RBFOX1: variants seen among roughly 807,000 people sequenced by gnomAD.
RBFOX1 encodes RNA binding protein fox-1 homolog 1.
RBFOX1 carries 8 observed loss-of-function variants against 57.7 expected under a neutral mutation model. The observed-to-expected ratio is 0.14, with a 90% CI of 0.08 to 0.25. RBFOX1 has a LOEUF of 0.25. Among genes scored for constraint, RBFOX1 ranks in the 10% least tolerant of loss-of-function variants. The pLI is 1.00. For synonymous variants in RBFOX1, 326 were observed against 222.4 expected, an observed-to-expected ratio of 1.47 and a Z score of -4.15; for missense variants, 611 against 548.5, an observed-to-expected ratio of 1.11 and a Z score of -1.14.
chr16:5,475,780 T>TGG (rs2069300224), intron 2 of RBFOX1, among the ~76,000 whole-genome samples: 1 of 152,232 alleles, frequency 6.6e-6, no homozygotes, highest in African/African-American at 2.4e-5. Flanking sequence ...CAAGAGTGCC[T>TGG]GGACCTGGCT....
chr16:7,368,595 G>A lies in RBFOX1; in HGVS notation c.28-149552G>A, dbSNP rs531574393. 1.9e-3 allele frequency among the ~76,000 whole-genome samples: 294 copies of A among 151,896 alleles called. 2 individuals are homozygous for A. Among genetic ancestry groups the A allele is most frequent in the Non-Finnish European group, 3.3e-3 (221 of 67,962 alleles). On this transcript the variant is annotated intron_variant, in intron 4 of 15. Coordinates refer to ENST00000550418, the MANE Select transcript of RBFOX1 (RefSeq NM_018723.4). The stretch of plus-strand genomic sequence containing the variant: ...AGATCAAGACCATCCTGGCTAACAC[G>A]GTGAAACCCCCTGTCTACTAAAAAT...
chr16:6,583,900 C>T (rs2097570288), intron 2 of RBFOX1, among the ~76,000 whole-genome samples: 1 of 151,938 alleles, frequency 6.6e-6, no homozygotes, highest in African/African-American at 2.4e-5. Flanking sequence ...ATCAGTTTGG[C>T]TGCACTTGTT....
intron 4 of RBFOX1, among the ~76,000 whole-genome samples, chr16:7,118,349 T>A (rs911449959): frequency 7.7e-6 from 1 of 129,878 alleles, no homozygotes; most frequent in Non-Finnish European, 1.7e-5. Context: ...GTGATAAGCA[T>A]TTTTTTCATG....
chr16:7,679,128 A>T (rs2074112331), intron 14 of RBFOX1, among the ~76,000 whole-genome samples: 1 of 152,210 alleles, frequency 6.6e-6, no homozygotes, highest in Admixed American at 6.6e-5. Context: ...AGCAATCTTT[A>T]AAGTTGTATT....
chr16:5,791,364 G>T (rs2151731555), intron 3 of RBFOX1, among the ~76,000 whole-genome samples: 1 of 152,286 alleles, frequency 6.6e-6, no homozygotes, highest in South Asian at 2.1e-4. Flanking sequence ...GTTGAGTGAT[G>T]ACTCACCAGG....
chr16:6,684,476 CTT>C (rs1207965252), intron 3 of RBFOX1, among the ~76,000 whole-genome samples: 2 of 152,214 alleles, frequency 1.3e-5, no homozygotes, highest in East Asian at 3.8e-4. Context: ...ACCTCCTGAA[CTT>C]AAGTCTTGCA....
chr16:6,320,753 G>A (rs1011390533), intron 2 of RBFOX1, among the ~76,000 whole-genome samples: 5 of 148,858 alleles, frequency 3.4e-5, no homozygotes, highest in Non-Finnish European at 6.0e-5. Context: ...AAAACTAAGT[G>A]TTCTTTCAAA....
intron 3 of RBFOX1, among the ~76,000 whole-genome samples, chr16:5,742,135 C>T (rs916497373): frequency 2.0e-5 from 3 of 152,228 alleles, no homozygotes; most frequent in East Asian, 1.9e-4. Context: ...ATGGAACTTA[C>T]ATTTTTCCAT....
At chr16:6,805,953 G>A (rs539412293) in intron 3 of RBFOX1, among the ~76,000 whole-genome samples, 3 of 152,244 alleles carry the variant, frequency 2.0e-5, no homozygotes, top group African/African-American at 7.2e-5. Context: ...AATTCCAAAA[G>A]CCAAGCTGGA....
intron 2 of RBFOX1, among the ~76,000 whole-genome samples, chr16:6,438,034 T>A (rs752709347): frequency 2.0e-5 from 3 of 152,166 alleles, no homozygotes; most frequent in Non-Finnish European, 4.4e-5. Context: ...TAGCTGGATT[T>A]CATCCCAATG....
chr16:7,265,689 T>G (rs1190441942), intron 4 of RBFOX1, among the ~76,000 whole-genome samples: 1 of 152,208 alleles, frequency 6.6e-6, no homozygotes, highest in Non-Finnish European at 1.5e-5. Flanking sequence ...CCTCAGGTGA[T>G]CCGCCTGCCT....
At chr16:6,606,108 C>G (rs765718747) in intron 2 of RBFOX1, among the ~76,000 whole-genome samples, 1 of 147,686 alleles carries the variant, frequency 6.8e-6, no homozygotes, top group Non-Finnish European at 1.5e-5. Flanking sequence ...GACTCTGTCT[C>G]AAAAAAGAAA....
At chr16:6,307,386 T>TA (rs547291138) in intron 1 of RBFOX1, among the ~76,000 whole-genome samples, 4 of 146,114 alleles carry the variant, frequency 2.7e-5, no homozygotes, top group East Asian at 3.9e-4. Flanking sequence ...ATCTTAAAAA[T>TA]AAAAAAAACA....
At chr16:5,776,028 G>C (rs923837657) in intron 3 of RBFOX1, among the ~76,000 whole-genome samples, 5 of 149,366 alleles carry the variant, frequency 3.3e-5, no homozygotes, top group African/African-American at 1.3e-4. Flanking sequence ...CTCTTCAAGA[G>C]CCCAATGAAT....
At chr16:7,557,619 C>CAAAAAAAA (rs1170051114) in intron 5 of RBFOX1, among the ~76,000 whole-genome samples, 5 of 40,730 alleles carry the variant, frequency 1.2e-4, no homozygotes, top group African/African-American at 9.1e-5. Flanking sequence ...GACTCTGTCT[C>CAAAAAAAA]AAAAAAAAAA....
Position 6,078,218 on chromosome 16 carries a change from G to A in RBFOX1, c.-127+58226G>A, listed in dbSNP as rs144526711. ...AATCATGTGAAAGTAAAGGATTGTC[G>A]TCATTTTTGCCATTGCTATTAATAT... On this transcript the variant is annotated intron_variant, in intron 1 of 15. Transcript: ENST00000550418. Among the ~76,000 whole-genome samples, 443 of 152,190 alleles carry A rather than the reference G, an allele frequency of 2.9e-3. 2 individuals carry two copies. The highest frequency in any genetic ancestry group is 1.0e-2 in the African/African-American group (415 of 41,522).
intron 3 of RBFOX1, among the ~76,000 whole-genome samples, chr16:5,757,782 A>T (rs1412633149): frequency 6.6e-6 from 1 of 152,228 alleles, no homozygotes; most frequent in Non-Finnish European, 1.5e-5. Flanking sequence ...TAGACTTGCT[A>T]GTAAGTGGAG....
chr16:6,013,975 G>T (rs368419002), intron 4 of RBFOX1, among the ~76,000 whole-genome samples: 2 of 149,988 alleles, frequency 1.3e-5, no homozygotes, highest in Non-Finnish European at 3.0e-5. Flanking sequence ...GATGGGGGGA[G>T]GGGGGAGGGT....
intron 14 of RBFOX1, among the ~76,000 whole-genome samples, chr16:7,686,231 T>G (rs1263414218): frequency 6.6e-6 from 1 of 151,754 alleles, no homozygotes; most frequent in Non-Finnish European, 1.5e-5. Context: ...GTTTTATGAG[T>G]TAGAATAATT....
Sources: allele counts gnomAD v4.1 joint callset (sites outside exome capture counted in the v4.1 genomes callset), GRCh38; gene constraint gnomAD v4.1.1; transcripts MANE v1.5; gene names NCBI Gene and HGNC (gene_info 2026-07-23, HGNC 2026-07-21).